The following CPA6 variants were observed in gnomAD, a reference collection of about 807,000 sequenced individuals.
CPA6 encodes the protein carboxypeptidase B.
A neutral mutation model predicts 63.3 loss-of-function variants in CPA6; 58 were observed. That is an observed-to-expected ratio of 0.92 (90% CI 0.74 to 1.14). The LOEUF (loss-of-function observed/expected upper bound fraction) is 1.14, where lower values mean the gene tolerates loss of function less well. CPA6 is among the 50% of genes most tolerant of loss of function. The pLI is 0.00. For missense variants in CPA6, 565 were observed against 526.6 expected (o/e 1.07, Z -0.71); for synonymous variants, 185 against 179.0 (o/e 1.03, Z -0.27).
At chr8:67,469,090 A>G (rs932980728) in intron 8 of CPA6, among the ~76,000 whole-genome samples, 1 of 152,168 alleles carries the variant, frequency 6.6e-6, no homozygotes, top group Non-Finnish European at 1.5e-5. Context: ...ATGTGTGCGT[A>G]TTTATATCTA....
chr8:67,742,447 C>A (rs1817931073), intron 1 of CPA6, among the ~76,000 whole-genome samples: 1 of 152,188 alleles, frequency 6.6e-6, no homozygotes, highest in Non-Finnish European at 1.5e-5. Context: ...GTGAGAATCT[C>A]AAGTGTGTCC....
chr8:67,671,517 A>G (rs1440040577), intron 1 of CPA6, among the ~76,000 whole-genome samples: 2 of 152,194 alleles, frequency 1.3e-5, no homozygotes, highest in Non-Finnish European at 2.9e-5. Context: ...ATGAAACAAG[A>G]TAAAATACTG....
At chr8:67,718,096 C>T (rs1164461885) in intron 1 of CPA6, among the ~76,000 whole-genome samples, 1 of 152,044 alleles carries the variant, frequency 6.6e-6, no homozygotes, top group East Asian at 1.9e-4. Context: ...TATAATTGTC[C>T]TCTCCTAAGC....
chr8:67,663,732 C>A (rs1011455976), intron 1 of CPA6, among the ~76,000 whole-genome samples: 3 of 152,282 alleles, frequency 2.0e-5, no homozygotes, highest in African/African-American at 7.2e-5. Context: ...CATAGGATTC[C>A]ATGGTGTATA....
intron 1 of CPA6, among the ~76,000 whole-genome samples, chr8:67,710,792 T>G: frequency 6.6e-6 from 1 of 152,152 alleles, no homozygotes; most frequent in East Asian, 1.9e-4. Context: ...AGAAACCCCT[T>G]GTGTACACCT....
chr8:67,672,408 C>T (rs1272926353), intron 1 of CPA6, among the ~76,000 whole-genome samples: 1 of 152,088 alleles, frequency 6.6e-6, no homozygotes, highest in Non-Finnish European at 1.5e-5. Context: ...TTCCTCTTCC[C>T]ATTTTTTCCC....
intron 2 of CPA6, among the ~76,000 whole-genome samples, chr8:67,532,700 TGAAAG>T (rs1812503602): frequency 6.6e-6 from 1 of 151,782 alleles, no homozygotes; most frequent in Non-Finnish European, 1.5e-5. Context: ...AAAATGTAAA[TGAAAG>T]GAATAATTTC....
At chr8:67,534,958 G>A (rs976526099) in intron 2 of CPA6, among the ~76,000 whole-genome samples, 7 of 151,280 alleles carry the variant, frequency 4.6e-5, no homozygotes, top group Admixed American at 4.6e-4. Context: ...ATGAACATGT[G>A]GTGTTTGGTT....
chr8:67,589,927 T>C (rs1179902294), intron 2 of CPA6, among the ~76,000 whole-genome samples: 2 of 151,936 alleles, frequency 1.3e-5, no homozygotes, highest in African/African-American at 4.8e-5. Context: ...TTAGGGTACA[T>C]GTGCACAATG....
chr8:67,663,572 T>C (rs188479615), intron 1 of CPA6, among the ~76,000 whole-genome samples: 47 of 152,178 alleles, frequency 3.1e-4, no homozygotes, highest in African/African-American at 1.1e-3. Flanking sequence ...CTTCCCTGTG[T>C]CCATGTGTTC....
intron 1 of CPA6, among the ~76,000 whole-genome samples, chr8:67,687,326 T>C (rs966784050): frequency 2.6e-5 from 4 of 152,118 alleles, no homozygotes; most frequent in Non-Finnish European, 5.9e-5. Context: ...AGACTTAAGT[T>C]ATAAGATATG....
Position 67,511,622 on chromosome 8 carries a change from C to T in CPA6, c.351G>A (p.Glu117=). The change falls in exon 4 of 11, where the codon GAG becomes GAA. Residue 117 remains glutamate (E), a synonymous_variant. Transcript: ENST00000297770. The part of the protein sequence containing the change: ...VLIEDLQKTL[E]KGSSLHTQRN... ...TCTGGGTGTGCAAGCTGCTTCCCTT[C>T]TCCAGTGTTTTCTGAAGATCTTCTA... 6.2e-7 allele frequency: 1 copy of T among 1,611,992 alleles called. No homozygotes were observed. The highest frequency in any genetic ancestry group is 8.5e-7 in the Non-Finnish European group (1 of 1,178,208).
At chr8:67,484,835 G>T in intron 6 of CPA6, 46 bp from the exon 7 acceptor site, 1 of 1,023,118 alleles carries the variant, frequency 9.8e-7, no homozygotes, top group South Asian at 1.4e-5. Flanking sequence ...GTCCCCAAAA[G>T]AGGAAAAAAG....
chr8:67,613,355 A>G (rs142204983), intron 2 of CPA6, among the ~76,000 whole-genome samples: 56 of 152,352 alleles, frequency 3.7e-4, no homozygotes, highest in African/African-American at 1.3e-3. Flanking sequence ...CATTCACTCA[A>G]GCAATATTTG....
intron 1 of CPA6, among the ~76,000 whole-genome samples, chr8:67,727,961 C>A (rs1219120192): frequency 2.0e-5 from 3 of 151,842 alleles, no homozygotes; most frequent in Non-Finnish European, 4.4e-5. Flanking sequence ...GCCTGTAGTC[C>A]CAGCTACTCG....
chr8:67,560,106 T>C (rs1438059095), intron 2 of CPA6, among the ~76,000 whole-genome samples: 1 of 150,550 alleles, frequency 6.6e-6, no homozygotes, highest in Non-Finnish European at 1.5e-5. Flanking sequence ...GTATTTTTGT[T>C]AGAGCAGCCC....
intron 3 of CPA6, among the ~76,000 whole-genome samples, chr8:67,515,042 C>T (rs1241575622): frequency 1.3e-5 from 2 of 152,296 alleles, no homozygotes; most frequent in East Asian, 3.9e-4. Flanking sequence ...ACCCTTGGCT[C>T]AGCCCTCTAG....
chr8:67,573,708 C>G (rs551078552), intron 2 of CPA6, among the ~76,000 whole-genome samples: 1 of 151,464 alleles, frequency 6.6e-6, no homozygotes, highest in Admixed American at 6.6e-5. Context: ...CTGGCTAACA[C>G]GGTGAAACCC....
chr8:67,628,046 C>T (rs1815232652), intron 1 of CPA6, among the ~76,000 whole-genome samples: 2 of 152,134 alleles, frequency 1.3e-5, no homozygotes, highest in Non-Finnish European at 2.9e-5. Flanking sequence ...AAACCCATCT[C>T]TACTAAAAAT....
Sources: gnomAD v4.1 joint callset for allele counts (sites outside exome capture counted in the v4.1 genomes callset) on GRCh38, gnomAD v4.1.1 for gene constraint, MANE v1.5 for transcripts, NCBI Gene and HGNC (gene_info 2026-07-23, HGNC 2026-07-21) for gene names.